The following SDHC variants were observed in gnomAD, a reference collection of about 807,000 sequenced individuals.
The protein encoded by SDHC is succinate dehydrogenase complex subunit C.
A neutral mutation model predicts 22.6 loss-of-function variants in SDHC; 11 were observed. The ratio of observed to expected loss-of-function variants is 0.49; its 90% CI spans 0.31 to 0.81. The LOEUF (loss-of-function observed/expected upper bound fraction) is 0.81, where lower values mean the gene tolerates loss of function less well. Among genes scored for constraint, SDHC ranks in the 30% least tolerant of loss-of-function variants. SDHC has a pLI of 0.05. For missense variants in SDHC, 160 were observed against 212.0 expected, an observed-to-expected ratio of 0.75 and a Z score of 1.52; for synonymous variants, 80 against 77.8, an observed-to-expected ratio of 1.03 and a Z score of -0.15.
At chr1:161,350,831 G>T (rs996035273) in intron 4 of SDHC, among the ~76,000 whole-genome samples, 9 of 152,058 alleles carry the variant, frequency 5.9e-5, no homozygotes, top group African/African-American at 2.2e-4. Flanking sequence ...AGTTTTCTAT[G>T]AGCACCACTA....
intron 3 of SDHC, among the ~76,000 whole-genome samples, chr1:161,336,380 G>C (rs1402904886): frequency 6.6e-6 from 1 of 152,026 alleles, no homozygotes; most frequent in South Asian, 2.1e-4. Context: ...GCTTGAACCC[G>C]GGAGGCGGAG....
intron 3 of SDHC, among the ~76,000 whole-genome samples, chr1:161,336,361 A>T (rs1240454848): frequency 6.6e-6 from 1 of 152,022 alleles, no homozygotes; most frequent in Non-Finnish European, 1.5e-5. Context: ...AGTCTGAGGC[A>T]GGAGAATCGC....
chr1:161,347,032 A>C (rs1348775656), intron 4 of SDHC, among the ~76,000 whole-genome samples: 1 of 152,178 alleles, frequency 6.6e-6, no homozygotes, highest in East Asian at 1.9e-4. Flanking sequence ...TTTTCAATCC[A>C]CAGTTAGTTG....
At chr1:161,342,286 A>G (rs531240529) in intron 4 of SDHC, among the ~76,000 whole-genome samples, 27 of 152,310 alleles carry the variant, frequency 1.8e-4, no homozygotes, top group Middle Eastern at 3.4e-3. Flanking sequence ...TCTAGCCCAT[A>G]TATATCCACA....
intron 4 of SDHC, among the ~76,000 whole-genome samples, chr1:161,353,266 G>A (rs1672153753): frequency 6.6e-6 from 1 of 152,044 alleles, no homozygotes; most frequent in African/African-American, 2.4e-5. Flanking sequence ...GGTGTGGGTG[G>A]CCATCCCTGG....
chr1:161,315,411 CCT>C (rs1670570153), intron 1 of SDHC, among the ~76,000 whole-genome samples: 1 of 152,126 alleles, frequency 6.6e-6, no homozygotes, highest in South Asian at 2.1e-4. Flanking sequence ...TCATTTTCTC[CCT>C]GTTTTTCATC....
At chr1:161,338,605 A>T (rs1230720462) in intron 3 of SDHC, among the ~76,000 whole-genome samples, 2 of 152,220 alleles carry the variant, frequency 1.3e-5, no homozygotes, top group Non-Finnish European at 2.9e-5. Flanking sequence ...GTATTTCAGA[A>T]CTACTGTGGA....
At position 161,328,497 on chromosome 1, in the gene SDHC, G is replaced by A. The variant is rs1179839529; in HGVS notation, c.179G>A (p.Ser60Asn). Residue 60 changes from serine to asparagine, a missense_variant and splice_region_variant, in exon 3 of 6, where the codon AGT (serine) becomes AAT (asparagine). This residue lies in a region of SDHC where 86 missense variants were observed against 83.4 expected (regional missense o/e 1.03). Coordinates refer to ENST00000367975, the MANE Select transcript of SDHC (RefSeq NM_003001.5). ...RPLSPHITIY[S>N]WSLPMAMSIC... is the part of the protein sequence containing the mutation. ...CTGTCTCCCCACATTACTATCTACA[G>A]GTAAGGAAGGATTCTGGAGCCAGAG... 8.2e-6 allele frequency: 13 copies of A among 1,588,404 alleles called. No individual in the cohort carries two copies. Among genetic ancestry groups the A allele is most frequent in the East Asian group, 2.2e-5 (1 of 44,766 alleles).
chr1:161,361,080 T>TAGC (rs1303891689), intron 5 of SDHC, among the ~76,000 whole-genome samples: 1 of 151,720 alleles, frequency 6.6e-6, no homozygotes, highest in African/African-American at 2.4e-5. Context: ...GCCACTGGAG[T>TAGC]GGCTGGGTGC....
chr1:161,315,797 T>C (rs986229182), intron 1 of SDHC, among the ~76,000 whole-genome samples: 1 of 151,468 alleles, frequency 6.6e-6, no homozygotes, highest in Non-Finnish European at 1.5e-5. Context: ...AGACAAAGTA[T>C]AGAGAAAGAA....
At chr1:161,347,759 G>T (rs1671951902) in intron 4 of SDHC, among the ~76,000 whole-genome samples, 1 of 152,110 alleles carries the variant, frequency 6.6e-6, no homozygotes, top group South Asian at 2.1e-4. Context: ...CCAGATACTT[G>T]GGAGGCTGAG....
intron 1 of SDHC, among the ~76,000 whole-genome samples, chr1:161,321,139 T>C (rs1670822135): frequency 6.6e-6 from 1 of 152,228 alleles, no homozygotes; most frequent in South Asian, 2.1e-4. Context: ...CTTGATTTTT[T>C]ACTTCCCAAT....
intron 4 of SDHC, among the ~76,000 whole-genome samples, chr1:161,346,791 T>C (rs1671914522): frequency 6.6e-6 from 1 of 152,122 alleles, no homozygotes; most frequent in African/African-American, 2.4e-5. Context: ...GTTCCAGGAT[T>C]CCTCCTCAGA....
At chr1:161,358,867 A>G (rs1022469566) in intron 5 of SDHC, among the ~76,000 whole-genome samples, 1 of 151,114 alleles carries the variant, frequency 6.6e-6, no homozygotes, top group African/African-American at 2.4e-5. Context: ...CAGAGGTTTC[A>G]GTGAGCTGAG....
chr1:161,362,252 G>C lies in SDHC; in HGVS notation c.406-77G>C, dbSNP rs1672542099. 8 of 1,508,580 alleles carry C rather than the reference G, an allele frequency of 5.3e-6. No individual in the cohort carries two copies. The East Asian group carries it at 1.9e-4, about 35-fold the overall frequency. The allele number at this position is 1,508,580 out of a possible 1,614,324, so 93.4% of individuals were successfully genotyped here. A position where few individuals can be genotyped will look rare whatever the true frequency, so the allele number is the denominator to read the frequency against. ...GAGGAGATATCTATTCCTTTAGGTAGAATTACTTTCTGAGACAGGAACTGT... is the reference window on the plus strand; with the variant it reads ...GAGGAGATATCTATTCCTTTAGGTACAATTACTTTCTGAGACAGGAACTGT... On this transcript the variant is annotated intron_variant, in intron 5 of 5. Transcript: ENST00000367975.
chr1:161,350,347 A>T (rs1672060427), intron 4 of SDHC, among the ~76,000 whole-genome samples: 1 of 152,226 alleles, frequency 6.6e-6, no homozygotes, highest in South Asian at 2.1e-4. Flanking sequence ...CACCATGCTC[A>T]GCCTGGATAA....
chr1:161,329,207 CA>C (rs1473926509), intron 3 of SDHC, among the ~76,000 whole-genome samples: 11 of 152,152 alleles, frequency 7.2e-5, no homozygotes, highest in African/African-American at 2.7e-4. Context: ...TGCCCGGCCA[CA>C]ACTTCTTAAA....
At chr1:161,354,741 A>T (rs188226842) in intron 4 of SDHC, among the ~76,000 whole-genome samples, 9 of 128,812 alleles carry the variant, frequency 7.0e-5, no homozygotes, top group Non-Finnish European at 1.4e-4. Flanking sequence ...CTCACGCCTC[A>T]CTCTGTTGCC....
rs747349777 is a variant in SDHC at position 161,328,446 on chromosome 1, A to G, written c.128A>G (p.Asn43Ser). Reference protein sequence around the residue: ...TAKEEMERFWNKNIGSNRPLS... With the variant: ...TAKEEMERFWSKNIGSNRPLS... ...AAAGAAGAGATGGAGCGGTTCTGGA[A>G]TAAGAATATAGGTTCAAACCGTCCT... The change falls in exon 3 of 6, where the codon AAT (asparagine) becomes AGT (serine). Residue 43 changes from asparagine to serine, a missense_variant. This residue lies in a region of SDHC where 86 missense variants were observed against 83.4 expected (regional missense o/e 1.03). Coordinates refer to ENST00000367975, the MANE Select transcript of SDHC (RefSeq NM_003001.5). 4 of 1,613,974 alleles carry G rather than the reference A, an allele frequency of 2.5e-6. No homozygotes were observed. In the East Asian group the frequency reaches 6.7e-5, roughly 27 times the overall value.
Sources: allele counts gnomAD v4.1 joint callset (sites outside exome capture counted in the v4.1 genomes callset), GRCh38; gene constraint gnomAD v4.1.1; regional missense constraint gnomAD v4.1.1; transcripts MANE v1.5; gene names NCBI Gene and HGNC (gene_info 2026-07-23, HGNC 2026-07-21).